Variants in LRMDA observed in about 807,000 individuals in gnomAD.
LRMDA encodes leucine rich melanocyte differentiation associated, also known as leucine-rich melanocyte differentiation-associated protein.
Under a neutral mutation model 29.8 loss-of-function variants are expected in LRMDA, and 18 were observed. That is an observed-to-expected ratio of 0.60 (90% confidence interval 0.42 to 0.90). The LOEUF is 0.90. LRMDA is among the 40% of genes least tolerant of loss of function. The pLI, the probability that LRMDA is intolerant of heterozygous loss-of-function variation, is 0.00. For synonymous variants in LRMDA, 125 were observed against 109.4 expected (o/e 1.14, Z -0.89); for missense variants, 273 against 273.9 (o/e 1.00, Z 0.02).
intron 2 of LRMDA, among the ~76,000 whole-genome samples, chr10:75,895,382 T>G (rs1252698880): frequency 6.6e-6 from 1 of 152,186 alleles, no homozygotes; most frequent in African/African-American, 2.4e-5. Flanking sequence ...GTCCTTTACA[T>G]CTATCATCTT....
rs189823865 is a variant in LRMDA at position 75,717,244 on chromosome 10, G to C, written c.131+278750G>C. On this transcript the variant is annotated intron_variant, in intron 2 of 6. Coordinates refer to ENST00000611255, the MANE Select transcript of LRMDA (RefSeq NM_001305581.2). Reference sequence around the variant, plus strand: ...CCCCAGGGGCACGTTGAGAAGATGTGAGTGTGACAGAATGACTTCAGCAGG... The same window carrying C: ...CCCCAGGGGCACGTTGAGAAGATGTCAGTGTGACAGAATGACTTCAGCAGG... Among the ~76,000 whole-genome samples the C allele has an allele frequency of 2.6e-5, 4 of 152,320 alleles. No individual in the cohort carries two copies. In the East Asian group the frequency reaches 7.7e-4, roughly 29 times the overall value.
chr10:76,005,579 C>G (rs955568306), intron 2 of LRMDA, among the ~76,000 whole-genome samples: 2 of 152,106 alleles, frequency 1.3e-5, no homozygotes, highest in South Asian at 4.2e-4. Context: ...TGCCACTGCA[C>G]TCCAGCCTGG....
chr10:75,747,878 A>AT lies in LRMDA; in HGVS notation c.132-288123dup, dbSNP rs541999007. Among the ~76,000 whole-genome samples the AT allele has an allele frequency of 1.4e-3, 214 of 152,268 alleles. 1 individual carries two copies. The highest frequency in any genetic ancestry group is 4.2e-3 in the East Asian group (22 of 5,188). On this transcript the variant is annotated intron_variant, in intron 2 of 6. Coordinates refer to ENST00000611255, the MANE Select transcript of LRMDA (RefSeq NM_001305581.2). ...GGATTGATTTTTAAAAATTAAATCAATTTTTTTAATAAAGTAAAACAAGAA... is the reference window on the plus strand; with the variant it reads ...GGATTGATTTTTAAAAATTAAATCAATTTTTTTTAATAAAGTAAAACAAGAA...
chr10:75,681,652 T>A (rs757906192), intron 2 of LRMDA, among the ~76,000 whole-genome samples: 1 of 152,200 alleles, frequency 6.6e-6, no homozygotes, highest in Non-Finnish European at 1.5e-5. Context: ...CAAGCACACT[T>A]AGGGCCTCTG....
intron 6 of LRMDA, among the ~76,000 whole-genome samples, chr10:76,361,562 A>G (rs1841313372): frequency 2.0e-5 from 3 of 152,132 alleles, no homozygotes; most frequent in Non-Finnish European, 4.4e-5. Context: ...ATTACATGCC[A>G]AGTACCTGGC....
intron 6 of LRMDA, among the ~76,000 whole-genome samples, chr10:76,492,128 C>T (rs770041419): frequency 9.2e-5 from 14 of 152,016 alleles, no homozygotes; most frequent in South Asian, 2.1e-4. Context: ...TGAGCTTCCT[C>T]GAAACAGCTA....
chr10:75,599,113 A>G (rs1172442335), intron 2 of LRMDA, among the ~76,000 whole-genome samples: 2 of 151,758 alleles, frequency 1.3e-5, no homozygotes, highest in Non-Finnish European at 2.9e-5. Flanking sequence ...AAATTAATCT[A>G]AGATTTCCAT....
chr10:75,685,921 C>A (rs1400554121), intron 2 of LRMDA, among the ~76,000 whole-genome samples: 1 of 152,154 alleles, frequency 6.6e-6, no homozygotes, highest in East Asian at 1.9e-4. Context: ...GTTCTAAGTG[C>A]TTTACATGCA....
rs145077308 is a variant in LRMDA at position 76,279,412 on chromosome 10, T to G, written c.517-44989T>G. 1.2e-3 allele frequency among the ~76,000 whole-genome samples: 183 copies of G among 152,264 alleles called. 4 individuals carry two copies. In the East Asian group the frequency reaches 0.031, roughly 26 times the overall value. On this transcript the variant is annotated intron_variant, in intron 5 of 6. Coordinates refer to ENST00000611255, the MANE Select transcript of LRMDA (RefSeq NM_001305581.2). ...TCTTTTATGAATTCTTCCTTGAAGC[T>G]TCACAAGGCAAGTACAGGACAAATG... is the stretch of plus-strand genomic sequence containing the variant.
chr10:75,583,882 TA>T (rs1840625099), intron 2 of LRMDA, among the ~76,000 whole-genome samples: 1 of 152,194 alleles, frequency 6.6e-6, no homozygotes, highest in Non-Finnish European at 1.5e-5. Context: ...CCTCCTGTTT[TA>T]GCAGGCCTAT....
chr10:75,435,124 A>T (rs766511427), intron 1 of LRMDA, among the ~76,000 whole-genome samples: 7 of 152,248 alleles, frequency 4.6e-5, no homozygotes, highest in Non-Finnish European at 8.8e-5. Context: ...TAGAGAAATT[A>T]TAAGTTTGAA....
At chr10:76,059,241 T>A (rs1848666171) in intron 5 of LRMDA, among the ~76,000 whole-genome samples, 1 of 152,158 alleles carries the variant, frequency 6.6e-6, no homozygotes, top group South Asian at 2.1e-4. Context: ...CTCTGAGATA[T>A]CGTTAGTGTG....
intron 2 of LRMDA, among the ~76,000 whole-genome samples, chr10:75,498,359 T>C (rs2132066923): frequency 6.6e-6 from 1 of 152,316 alleles, no homozygotes; most frequent in African/African-American, 2.4e-5. Context: ...TCACTTGTGA[T>C]ATTGTGGCTG....
chr10:76,096,843 T>C (rs929449397), intron 5 of LRMDA, among the ~76,000 whole-genome samples: 2 of 152,134 alleles, frequency 1.3e-5, no homozygotes, highest in African/African-American at 4.8e-5. Flanking sequence ...AAATATTGTA[T>C]GTGCTTTGTG....
At chr10:76,362,611 C>A (rs1589151294) in intron 6 of LRMDA, among the ~76,000 whole-genome samples, 2 of 151,932 alleles carry the variant, frequency 1.3e-5, no homozygotes, top group Middle Eastern at 3.4e-3. Flanking sequence ...GTTTGTACCC[C>A]CCTGGTGGGG....
At chr10:76,326,476 A>G (rs1840835201) in intron 6 of LRMDA, among the ~76,000 whole-genome samples, 1 of 152,260 alleles carries the variant, frequency 6.6e-6, no homozygotes, top group Non-Finnish European at 1.5e-5. Context: ...ACATTTATGC[A>G]GAAGGGGACA....
chr10:75,806,074 T>C (rs935392382), intron 2 of LRMDA, among the ~76,000 whole-genome samples: 1 of 152,056 alleles, frequency 6.6e-6, no homozygotes, highest in Non-Finnish European at 1.5e-5. Flanking sequence ...CGATGTCCCA[T>C]GGCAAAAGCA....
chr10:76,386,147 G>A (rs1841656841), intron 6 of LRMDA, among the ~76,000 whole-genome samples: 1 of 152,120 alleles, frequency 6.6e-6, no homozygotes, highest in Non-Finnish European at 1.5e-5. Flanking sequence ...ACAAGTGTTT[G>A]TTTATGTGTT....
intron 3 of LRMDA, among the ~76,000 whole-genome samples, chr10:76,045,097 C>T (rs549181030): frequency 4.7e-5 from 7 of 149,964 alleles, no homozygotes; most frequent in African/African-American, 1.5e-4. Context: ...GCTAGTTTAC[C>T]TATTCTTGCT....
Sources: allele counts gnomAD v4.1 joint callset (sites outside exome capture counted in the v4.1 genomes callset), GRCh38; gene constraint gnomAD v4.1.1; transcripts MANE v1.5; gene names NCBI Gene and HGNC (gene_info 2026-07-23, HGNC 2026-07-21).